SLC35A3: variants seen among roughly 807,000 people sequenced by gnomAD.
SLC35A3 encodes solute carrier family 35 member A3.
Under a neutral mutation model 39.0 loss-of-function variants are expected in SLC35A3, and 26 were observed. That is an observed-to-expected ratio of 0.67 (90% CI 0.49 to 0.92). The LOEUF is 0.92. SLC35A3 is among the 40% of genes least tolerant of loss of function. The pLI, the probability that SLC35A3 is intolerant of heterozygous loss-of-function variation, is 0.00. For synonymous variants in SLC35A3, 135 were observed against 133.1 expected (o/e 1.01, Z -0.10); for missense variants, 299 against 371.6 (o/e 0.80, Z 1.61).
At chr1:99,977,431 A>G (rs1657176418) in intron 1 of SLC35A3, among the ~76,000 whole-genome samples, 1 of 151,358 alleles carries the variant, frequency 6.6e-6, no homozygotes, top group Non-Finnish European at 1.5e-5. Context: ...CATCTCAGCT[A>G]CTCGGGAGGC....
chr1:99,993,420 T>C, intron 1 of SLC35A3, 117 bp from the exon 2 acceptor site: 1 of 694,156 alleles, frequency 1.4e-6, no homozygotes, highest in East Asian at 2.9e-5. Context: ...TTCTTTTTGG[T>C]GGCAGGTGGA....
At chr1:99,995,950 T>C (rs1658377000) in intron 2 of SLC35A3, among the ~76,000 whole-genome samples, 1 of 152,220 alleles carries the variant, frequency 6.6e-6, no homozygotes, top group Non-Finnish European at 1.5e-5. Context: ...AAGGTATAGA[T>C]GAGCAGAAGT....
intron 1 of SLC35A3, among the ~76,000 whole-genome samples, chr1:99,985,185 GA>G (rs1461259072): frequency 1.3e-5 from 2 of 152,142 alleles, no homozygotes; most frequent in Non-Finnish European, 1.5e-5. Context: ...TTATCTTCTA[GA>G]ATTTTTATGG....
chr1:99,977,444 A>T (rs934641035), intron 1 of SLC35A3, among the ~76,000 whole-genome samples: 7 of 151,492 alleles, frequency 4.6e-5, no homozygotes, highest in African/African-American at 1.7e-4. Context: ...CGGGAGGCTG[A>T]AGCAGGAAAA....
chr1:100,009,572 T>C (rs1036242490), intron 4 of SLC35A3: 3 of 152,268 alleles, frequency 2.0e-5, no homozygotes, highest in Non-Finnish European at 4.4e-5. Context: ...AGAAATCCTA[T>C]AGGCATGCAG....
At chr1:100,000,392 T>G (rs958869232) in intron 3 of SLC35A3, among the ~76,000 whole-genome samples, 1 of 152,058 alleles carries the variant, frequency 6.6e-6, no homozygotes, top group Non-Finnish European at 1.5e-5. Flanking sequence ...TGAGAAATGT[T>G]TATTGAGGTC....
At chr1:100,010,980 A>G (rs1317514171) in intron 4 of SLC35A3, among the ~76,000 whole-genome samples, 1 of 152,078 alleles carries the variant, frequency 6.6e-6, no homozygotes, top group Non-Finnish European at 1.5e-5. Flanking sequence ...TTAGAACACT[A>G]CTTTCCAGCT....
At chr1:100,004,072 A>C (rs555714632) in intron 3 of SLC35A3, among the ~76,000 whole-genome samples, 1 of 152,286 alleles carries the variant, frequency 6.6e-6, no homozygotes, top group Admixed American at 6.5e-5. Flanking sequence ...CCATTTTGCC[A>C]GTCCATATCT....
intron 1 of SLC35A3, among the ~76,000 whole-genome samples, chr1:99,991,232 G>A (rs1347560860): frequency 1.3e-5 from 2 of 152,030 alleles, no homozygotes; most frequent in African/African-American, 2.4e-5. Context: ...TGCAACCTTC[G>A]CCTCTGGGTT....
intron 2 of SLC35A3, among the ~76,000 whole-genome samples, chr1:99,998,297 G>T (rs749801754): frequency 1.6e-4 from 25 of 151,924 alleles, no homozygotes; most frequent in Non-Finnish European, 3.7e-4. Flanking sequence ...TGGGACTACA[G>T]GTGCATGCCA....
Position 100,002,577 on chromosome 1 carries a change from T to G in SLC35A3, c.342+3162T>G, listed in dbSNP as rs189584328. Reference sequence around the variant, plus strand: ...TCTTTTATTTCATCCTTTGTATTTTTGTTTAGTTTCTATTTCATTTAGTTC... The same window carrying G: ...TCTTTTATTTCATCCTTTGTATTTTGGTTTAGTTTCTATTTCATTTAGTTC... On this transcript the variant is annotated intron_variant, in intron 3 of 7. Transcript: ENST00000533028. Among the ~76,000 whole-genome samples the G allele has an allele frequency of 3.3e-3, 503 of 152,288 alleles. 4 individuals carry two copies. Among genetic ancestry groups the G allele is most frequent in the Non-Finnish European group, 5.6e-3 (378 of 68,022 alleles).
At chr1:100,003,287 G>C (rs1201772984) in intron 3 of SLC35A3, among the ~76,000 whole-genome samples, 1 of 151,754 alleles carries the variant, frequency 6.6e-6, no homozygotes, top group African/African-American at 2.4e-5. Context: ...ATGGTGGCGG[G>C]TACCTGTAAT....
chr1:99,991,709 T>G (rs1658096417), intron 1 of SLC35A3, among the ~76,000 whole-genome samples: 1 of 152,194 alleles, frequency 6.6e-6, no homozygotes, highest in Admixed American at 6.5e-5. Flanking sequence ...TATTAGACAC[T>G]GCATTAAGTC....
chr1:100,006,971 T>A, intron 3 of SLC35A3, 63 bp from the exon 4 acceptor site: 1 of 1,494,406 alleles, frequency 6.7e-7, no homozygotes, highest in Middle Eastern at 2.2e-4. Flanking sequence ...TTTCTAATAG[T>A]ACTCTTAAGG....
chr1:100,001,540 T>G (rs1410149650), intron 3 of SLC35A3, among the ~76,000 whole-genome samples: 1 of 152,100 alleles, frequency 6.6e-6, no homozygotes, highest in African/African-American at 2.4e-5. Context: ...GATTTTTGTA[T>G]GTTGATTTTG....
At chr1:100,003,025 A>G (rs1017565724) in intron 3 of SLC35A3, among the ~76,000 whole-genome samples, 2 of 151,806 alleles carry the variant, frequency 1.3e-5, no homozygotes, top group Non-Finnish European at 2.9e-5. Context: ...TAATTTGTTG[A>G]TGTAGGCATT....
In SLC35A3 at chr1:100,025,761, AT is replaced by A. The variant is rs1660878975; in HGVS notation, c.*3287del. 2 of 152,264 alleles carry A rather than the reference AT, an allele frequency of 1.3e-5. No homozygotes were observed. The highest frequency in any genetic ancestry group is 1.3e-4 in the Admixed American group (2 of 15,288). 9.4% of individuals were successfully genotyped at this position (152,264 alleles called of 1,614,324 possible). ...AAGCTTTTATAATGATGACTCCTTC[AT>A]TATTTAAATTCCTATACTTTTTATT... On this transcript the variant is annotated 3_prime_UTR_variant, in exon 8 of 8. Coordinates refer to ENST00000533028, the MANE Select transcript of SLC35A3 (RefSeq NM_012243.3).
Position 100,027,371 on chromosome 1 carries a change from G to A in SLC35A3, c.*4895G>A, listed in dbSNP as rs539571003. The A allele has an allele frequency of 2.1e-4, 83 of 390,176 alleles. 2 individuals carry two copies. In the East Asian group the frequency reaches 2.9e-3, roughly 14 times the overall value. 24.2% of individuals were successfully genotyped at this position (390,176 alleles called of 1,614,324 possible). On this transcript the variant is annotated 3_prime_UTR_variant, in exon 8 of 8. Transcript: ENST00000533028. The stretch of plus-strand genomic sequence containing the variant: ...GGAGGCTGAGGCAGAAGGATTGCTT[G>A]AGCCCAGCAATTTGATGCTGCAGTA...
intron 1 of SLC35A3, among the ~76,000 whole-genome samples, chr1:99,991,856 C>T (rs545437311): frequency 1.1e-4 from 17 of 152,338 alleles, no homozygotes; most frequent in Admixed American, 6.5e-5. Flanking sequence ...TCAAGCTATT[C>T]TCCTGCCTCA....
Sources: gnomAD v4.1 joint callset for allele counts (sites outside exome capture counted in the v4.1 genomes callset) on GRCh38, gnomAD v4.1.1 for gene constraint, MANE v1.5 for transcripts, NCBI Gene and HGNC (gene_info 2026-07-23, HGNC 2026-07-21) for gene names.